KLRG1: variants seen among roughly 807,000 people sequenced by gnomAD.
KLRG1 encodes killer cell lectin-like receptor subfamily G member 1.
A neutral mutation model predicts 21.8 loss-of-function variants in KLRG1; 16 were observed. The observed-to-expected ratio is 0.73, with a 90% CI of 0.50 to 1.11. The LOEUF is 1.11. Ranked by LOEUF, KLRG1 falls within the 50% of genes most tolerant of loss-of-function variation. The probability of loss-of-function intolerance (pLI) is 0.00; values close to 1 mark genes in which losing one functional copy is unlikely to be tolerated. For synonymous variants in KLRG1, 69 were observed against 75.9 expected (o/e 0.91, Z 0.47); for missense variants, 173 against 218.3 (o/e 0.79, Z 1.31).
chr12:9,074,745 C>G, the KLRG1 span: 1 of 1,613,634 alleles, frequency 6.2e-7, no homozygotes. Flanking sequence ...CCCACTGGTG[C>G]CTTGGGTTTC....
At chr12:9,099,580 G>T in the KLRG1 span, 6 of 1,545,144 alleles carry the variant, frequency 3.9e-6, no homozygotes, top group Non-Finnish European at 5.2e-6. Flanking sequence ...ATTTCCATTA[G>T]TAGATGTAAC....
At chr12:8,957,753 C>G (rs368612336) in intron 1 of KLRG1, among the ~76,000 whole-genome samples, 2 of 152,208 alleles carry the variant, frequency 1.3e-5, no homozygotes, top group African/African-American at 4.8e-5. Context: ...GTGTCCCCAG[C>G]GTGTTTCCAC....
the KLRG1 span, among the ~76,000 whole-genome samples, chr12:9,172,037 T>C: frequency 1.3e-5 from 2 of 151,878 alleles, no homozygotes; most frequent in Admixed American, 1.3e-4. Flanking sequence ...AGACACAAAA[T>C]CATCAGATTC....
chr12:9,196,412 C>T, the KLRG1 span: 1 of 1,613,598 alleles, frequency 6.2e-7, no homozygotes, highest in Non-Finnish European at 8.5e-7. Context: ...TGTGATTTCA[C>T]TGATCCTGTT....
At chr12:9,215,262 T>C in the KLRG1 span, among the ~76,000 whole-genome samples, 1 of 152,040 alleles carries the variant, frequency 6.6e-6, no homozygotes, top group African/African-American at 2.4e-5. Flanking sequence ...TGTTATTCTT[T>C]TGTCAACTTT....
the KLRG1 span, chr12:9,157,878 C>G: frequency 4.6e-6 from 7 of 1,525,110 alleles, no homozygotes; most frequent in Non-Finnish European, 2.7e-6. Context: ...ATTCCAGTGC[C>G]AAGTGTTAGT....
At chr12:9,166,921 A>C in the KLRG1 span, 1 of 152,226 alleles carries the variant, frequency 6.6e-6, no homozygotes, top group African/African-American at 2.4e-5. Flanking sequence ...ATTTGATTTA[A>C]GATCTCCCTC....
the KLRG1 span, among the ~76,000 whole-genome samples, chr12:9,098,163 T>A: frequency 6.6e-6 from 1 of 152,196 alleles, no homozygotes; most frequent in Non-Finnish European, 1.5e-5. Flanking sequence ...TAATCCTTTC[T>A]TTTATTTTGC....
chr12:9,068,216 C>T, the KLRG1 span: 1 of 1,601,610 alleles, frequency 6.2e-7, no homozygotes. Flanking sequence ...TCAGCAATTG[C>T]AAACTCATCT....
At chr12:9,202,940 G>C in the KLRG1 span, among the ~76,000 whole-genome samples, 4 of 152,144 alleles carry the variant, frequency 2.6e-5, no homozygotes, top group African/African-American at 9.7e-5. Context: ...CCTTTTAACT[G>C]AGTATGTATA....
chr12:9,056,463 A>G, the KLRG1 span, among the ~76,000 whole-genome samples: 38 of 152,076 alleles, frequency 2.5e-4, 2 homozygotes, highest in Non-Finnish European at 1.8e-4. Flanking sequence ...CTTGCATGAT[A>G]TTTCTTATAT....
chr12:9,202,656 A>G, the KLRG1 span: 1 of 1,614,062 alleles, frequency 6.2e-7, no homozygotes, highest in South Asian at 1.1e-5. Context: ...AAGGAATGCC[A>G]CCTCTGAAGA....
the KLRG1 span, among the ~76,000 whole-genome samples, chr12:9,134,306 G>A: frequency 1.1e-3 from 161 of 152,184 alleles, 2 homozygotes; most frequent in African/African-American, 3.5e-3. Context: ...AGACCTCTTC[G>A]TAAGAGAAAA....
the KLRG1 span, among the ~76,000 whole-genome samples, chr12:9,185,207 G>C: frequency 1.3e-5 from 2 of 152,176 alleles, no homozygotes; most frequent in Non-Finnish European, 2.9e-5. Context: ...GAAGCTGACA[G>C]ACAAAATAGC....
the KLRG1 span, among the ~76,000 whole-genome samples, chr12:9,189,472 A>G: frequency 6.6e-6 from 1 of 152,248 alleles, no homozygotes; most frequent in Non-Finnish European, 1.5e-5. Flanking sequence ...CCCGCCTTAC[A>G]CAATGCACAA....
At chr12:8,984,997 T>TA (rs1346867464), upstream of KLRG1, among the ~76,000 whole-genome samples, 1 of 152,194 alleles carries the variant, frequency 6.6e-6, no homozygotes, top group African/African-American at 2.4e-5. Context: ...GTTAGCATCT[T>TA]AAAAAATCAT....
the KLRG1 span, chr12:9,169,710 G>C: frequency 1.1e-6 from 1 of 923,790 alleles, no homozygotes; most frequent in Admixed American, 3.6e-5. Context: ...CATGTAGTTG[G>C]TACCTTAGAG....
At chr12:9,167,999 C>A in the KLRG1 span, among the ~76,000 whole-genome samples, 1 of 152,126 alleles carries the variant, frequency 6.6e-6, no homozygotes, top group Non-Finnish European at 1.5e-5. Context: ...CAGTCCATGG[C>A]CCTTTAAAAG....
the KLRG1 span, among the ~76,000 whole-genome samples, chr12:9,122,263 GA>G: frequency 6.6e-6 from 1 of 152,192 alleles, no homozygotes; most frequent in African/African-American, 2.4e-5. Flanking sequence ...TTGATGAACA[GA>G]AAATAAGTGT....
Sources: allele counts gnomAD v4.1 joint callset (sites outside exome capture counted in the v4.1 genomes callset), GRCh38; gene constraint gnomAD v4.1.1; transcripts MANE v1.5; gene names NCBI Gene and HGNC (gene_info 2026-07-23, HGNC 2026-07-21).